KCTD18: variants seen among roughly 807,000 people sequenced by gnomAD.
The protein encoded by KCTD18 is BTB/POZ domain-containing protein KCTD18.
KCTD18 carries 22 observed loss-of-function variants against 30.4 expected under a neutral mutation model. The ratio of observed to expected loss-of-function variants is 0.72; its 90% CI spans 0.52 to 1.03. The LOEUF (loss-of-function observed/expected upper bound fraction) is 1.03. KCTD18 is among the 50% of genes least tolerant of loss of function. KCTD18 has a pLI of 0.00. For missense variants in KCTD18, 529 were observed against 547.6 expected, an observed-to-expected ratio of 0.97 and a Z score of 0.34; for synonymous variants, 186 against 209.0, an observed-to-expected ratio of 0.89 and a Z score of 0.95.
chr2:200,491,026 A>G (rs760276897), intron 6 of KCTD18, among the ~76,000 whole-genome samples: 1 of 152,238 alleles, frequency 6.6e-6, no homozygotes, highest in Non-Finnish European at 1.5e-5. Flanking sequence ...AATAAATATT[A>G]GAAATATTGC....
chr2:200,497,730 G>A (rs370648055), intron 5 of KCTD18, 23 bp downstream of exon 5: 1 of 1,495,194 alleles, frequency 6.7e-7, no homozygotes, highest in Non-Finnish European at 9.3e-7. Flanking sequence ...CTGCTTCCAT[G>A]AAATAAAAGA....
At chr2:200,508,134 G>A (rs574707155) in intron 1 of KCTD18, among the ~76,000 whole-genome samples, 2 of 152,282 alleles carry the variant, frequency 1.3e-5, no homozygotes, top group South Asian at 2.1e-4. Flanking sequence ...ATGGAGTCTC[G>A]CTCTGTAGCC....
chr2:200,509,843 C>CCCCA lies in KCTD18; in HGVS notation c.-295_-292dup, dbSNP rs960557243. ...GCCACGGTCTTCCGCGGCCTGGAGA[C>CCCCA]CCCAAATCGGCCCGAAGCCCGAGCC... On this transcript the variant is annotated 5_prime_UTR_variant, in exon 1 of 7. The change creates a premature stop within an existing upstream ORF in the 5' untranslated region. Coordinates refer to ENST00000359878, the MANE Select transcript of KCTD18 (RefSeq NM_152387.4). 1.3e-4 allele frequency: 20 copies of CCCCA among 152,198 alleles called. No individual in the cohort carries two copies. Among genetic ancestry groups the CCCCA allele is most frequent in the Admixed American group, 7.2e-4 (11 of 15,282 alleles). The allele number at this position is 152,198 out of a possible 1,614,324, so 9.4% of individuals were successfully genotyped here. A position where few individuals can be genotyped will look rare whatever the true frequency, so the allele number is the denominator to read the frequency against.
At chr2:200,508,467 C>T (rs898600069) in intron 1 of KCTD18, among the ~76,000 whole-genome samples, 5 of 152,118 alleles carry the variant, frequency 3.3e-5, no homozygotes, top group African/African-American at 4.8e-5. Flanking sequence ...TGGTGTTTTC[C>T]CACCTAAAAC....
Position 200,499,114 on chromosome 2 carries a change from A to G in KCTD18, c.373-30T>C, listed in dbSNP as rs369931459. On this transcript the variant is annotated intron_variant, in intron 3 of 6. Coordinates refer to ENST00000359878, the MANE Select transcript of KCTD18 (RefSeq NM_152387.4). ...AGCAAAAAGTATATATAAAATTTGA[A>G]TTTAATTCTAGAGTAAAATAAAAAT... 154 of 1,490,260 alleles carry G rather than the reference A, an allele frequency of 1.0e-4. No homozygotes were observed. In the African/African-American group the frequency reaches 2.0e-3, roughly 19 times the overall value. 92.3% of individuals were successfully genotyped at this position (1,490,260 alleles called of 1,614,324 possible).
At chr2:200,500,669 G>A (rs1233453152) in intron 3 of KCTD18, among the ~76,000 whole-genome samples, 2 of 151,478 alleles carry the variant, frequency 1.3e-5, no homozygotes, top group East Asian at 3.9e-4. Flanking sequence ...ATGCTCATGG[G>A]TAGGAAGAAT....
chr2:200,498,791 T>C, intron 4 of KCTD18, 100 bp downstream of exon 4: 1 of 1,008,104 alleles, frequency 9.9e-7, no homozygotes, highest in Non-Finnish European at 1.5e-6. Context: ...CTGAGAGGTG[T>C]TAATGGTCTT....
At chr2:200,506,828 G>T (rs368297583) in intron 2 of KCTD18, 29 bp downstream of exon 2, 20 of 1,605,030 alleles carry the variant, frequency 1.2e-5, no homozygotes, top group Non-Finnish European at 1.7e-5. Flanking sequence ...TAAATATTCA[G>T]ATCATGCTTT....
At chr2:200,500,852 G>A (rs1294920555) in intron 3 of KCTD18, among the ~76,000 whole-genome samples, 1 of 152,188 alleles carries the variant, frequency 6.6e-6, no homozygotes, top group Non-Finnish European at 1.5e-5. Context: ...GAACAAAGCT[G>A]GAGGAGGCAT....
intron 3 of KCTD18, among the ~76,000 whole-genome samples, chr2:200,503,778 C>T (rs559825547): frequency 3.1e-4 from 47 of 152,336 alleles, no homozygotes; most frequent in African/African-American, 1.1e-3. Context: ...GCTTCCTAAA[C>T]GCTGACATCC....
chr2:200,496,238 T>G (rs1020544109), intron 5 of KCTD18: 4 of 152,342 alleles, frequency 2.6e-5, no homozygotes, highest in Admixed American at 6.5e-5. Context: ...TCTAAGGCAG[T>G]GGGCTCCTGG....
chr2:200,500,350 T>C (rs1449425646), intron 3 of KCTD18, among the ~76,000 whole-genome samples: 2 of 151,500 alleles, frequency 1.3e-5, no homozygotes, highest in African/African-American at 4.8e-5. Context: ...TGTCCCTGTT[T>C]GCAGACGACA....
At chr2:200,506,802 C>T in intron 2 of KCTD18, 55 bp downstream of exon 2, 1 of 1,535,960 alleles carries the variant, frequency 6.5e-7, no homozygotes, top group Admixed American at 1.8e-5. Context: ...TCAAAGGGAA[C>T]TTAAACTGGT....
intron 1 of KCTD18, among the ~76,000 whole-genome samples, chr2:200,508,583 C>A (rs751551324): frequency 4.0e-5 from 6 of 150,534 alleles, no homozygotes; most frequent in Non-Finnish European, 8.9e-5. Context: ...ACATCCATGT[C>A]AATTCACTTT....
intron 3 of KCTD18, among the ~76,000 whole-genome samples, chr2:200,499,854 G>C (rs2088058432): frequency 6.8e-6 from 1 of 147,508 alleles, no homozygotes; most frequent in African/African-American, 2.5e-5. Context: ...CAATATCCTT[G>C]ATGAACATTG....
rs1415385948 is a variant in KCTD18 at position 200,509,798 on chromosome 2, C to G, written c.-246G>C. 1 of 152,210 alleles carries G rather than the reference C, an allele frequency of 6.6e-6. No individual in the cohort carries two copies. Among genetic ancestry groups the G allele is most frequent in the Non-Finnish European group, 1.5e-5 (1 of 68,040 alleles). 9.4% of individuals were successfully genotyped at this position (152,210 alleles called of 1,614,324 possible). ...CCGAAGCGGGAAGAGCCGGGAGGAG[C>G]TGGGGAGCCAGAAAGCCCCGCCACG... On this transcript the variant is annotated 5_prime_UTR_variant, in exon 1 of 7. Transcript: ENST00000359878.
In KCTD18 at chr2:200,510,052, G is replaced by A. The variant is rs896221204; in HGVS notation, c.-500C>T. 1.3e-4 allele frequency: 20 copies of A among 152,114 alleles called. No homozygotes were observed. Among genetic ancestry groups the A allele is most frequent in the African/African-American group, 3.6e-4 (15 of 41,440 alleles). 9.4% of individuals were successfully genotyped at this position (152,114 alleles called of 1,614,324 possible). A position where few individuals can be genotyped will look rare whatever the true frequency, so the allele number is the denominator to read the frequency against. ...CCTCGGCGCGGCCGCCGGACGCCGC[G>A]GGGCGGACGCGGAAGTGAACGCCTT... On this transcript the variant is annotated 5_prime_UTR_variant, in exon 1 of 7. Coordinates refer to ENST00000359878, the MANE Select transcript of KCTD18 (RefSeq NM_152387.4).
chr2:200,495,237 T>G (rs1007039982), intron 5 of KCTD18, among the ~76,000 whole-genome samples: 1 of 152,238 alleles, frequency 6.6e-6, no homozygotes, highest in Non-Finnish European at 1.5e-5. Context: ...TATTTCCTGC[T>G]TTTCATCATT....
At chr2:200,508,643 T>A (rs2030340237) in intron 1 of KCTD18, among the ~76,000 whole-genome samples, 1 of 152,218 alleles carries the variant, frequency 6.6e-6, no homozygotes, top group African/African-American at 2.4e-5. Context: ...TAGTCTCCAA[T>A]AAAATGGAAG....
Sources: gnomAD v4.1 joint callset for allele counts (sites outside exome capture counted in the v4.1 genomes callset) on GRCh38, gnomAD v4.1.1 for gene constraint, MANE v1.5 for transcripts, NCBI Gene and HGNC (gene_info 2026-07-23, HGNC 2026-07-21) for gene names.